RBM4B: variants seen among roughly 807,000 people sequenced by gnomAD.
The protein encoded by RBM4B is RNA binding motif protein 4B.
Under a neutral mutation model 28.5 loss-of-function variants are expected in RBM4B, and 13 were observed. That is an observed-to-expected ratio of 0.46 (90% CI 0.30 to 0.72). RBM4B has a LOEUF of 0.72. Ranked by LOEUF, RBM4B falls within the 30% of genes least tolerant of loss-of-function variation. The pLI is 0.09. For missense variants in RBM4B, 387 were observed against 477.6 expected (o/e 0.81, Z 1.77); for synonymous variants, 167 against 179.1 (o/e 0.93, Z 0.54).
chr11:66,669,208 C>T lies in RBM4B; in HGVS notation c.496G>A (p.Gly166Arg), dbSNP rs1368428935. 4 of 1,614,184 alleles carry T rather than the reference C, an allele frequency of 2.5e-6. No homozygotes were observed. The highest frequency in any genetic ancestry group is 3.4e-6 in the Non-Finnish European group (4 of 1,180,036). ...MGDQSGCYRCGKEGHWSKECP... is the reference protein window; with the variant it reads ...MGDQSGCYRCRKEGHWSKECP... ...TCTTTGGACCAGTGCCCTTCTTTCC[C>T]ACACCGATAGCAGCCACTCTGGTCT... Residue 166 changes from glycine to arginine, a missense_variant, in exon 3 of 4, where the codon GGG (glycine) becomes AGG (arginine). Physicochemically the swap from Gly to Arg is moderately radical, Grantham distance 125. Transcript: ENST00000310046.
Position 66,668,673 on chromosome 11 carries a change from C to T in RBM4B, c.1031G>A (p.Arg344Gln), listed in dbSNP as rs376252895. 8.5e-5 allele frequency: 137 copies of T among 1,613,866 alleles called. No homozygotes were observed. Among genetic ancestry groups the T allele is most frequent in the Non-Finnish European group, 1.1e-4 (126 of 1,179,888 alleles). Reference sequence around the variant, plus strand: ...GTCCACATACTGCTCCCGTTCATACCGGGCCATGTCATACAGAGAATTCCG... The same window carrying T: ...GTCCACATACTGCTCCCGTTCATACTGGGCCATGTCATACAGAGAATTCCG... Reference protein sequence around the residue: ...ATRNSLYDMARYEREQYVDRA... With the variant: ...ATRNSLYDMAQYEREQYVDRA... Residue 344 changes from arginine to glutamine, a missense_variant, in exon 3 of 4, where the codon CGG becomes CAG. By Grantham distance (43) the Arg-to-Gln change is conservative. This residue lies in a region of RBM4B where 226 missense variants were observed against 220.6 expected (regional missense o/e 1.02). Transcript: ENST00000310046.
In RBM4B at chr11:66,674,100, CTAAAG is replaced by C. The variant is rs1351872274; in HGVS notation, c.412+2563_412+2567del. ...ATCCACTGCATTATTCAGATACATC[CTAAAG>C]TAATTATACCTGCCTTATTAAAACA... On this transcript the variant is annotated intron_variant, in intron 2 of 3. Transcript: ENST00000310046. Among the ~76,000 whole-genome samples, 48 of 151,616 alleles carry C rather than the reference CTAAAG, an allele frequency of 3.2e-4. 1 individual carries two copies. Among genetic ancestry groups the C allele is most frequent in the Non-Finnish European group, 4.4e-5 (3 of 67,986 alleles).
chr11:66,671,334 T>C (rs966126216), intron 2 of RBM4B, among the ~76,000 whole-genome samples: 1 of 152,208 alleles, frequency 6.6e-6, no homozygotes, highest in African/African-American at 2.4e-5. Flanking sequence ...GAAACACAGA[T>C]TTCTGCCACA....
At chr11:66,672,406 T>TAA (rs539171629) in intron 2 of RBM4B, among the ~76,000 whole-genome samples, 691 of 58,328 alleles carry the variant, frequency 0.012, 18 homozygotes, top group South Asian at 0.018. Context: ...CAAGACTGTC[T>TAA]AAAAAAAAAA....
chr11:66,665,944 C>T, intron 3 of RBM4B: 1 of 1,533,982 alleles, frequency 6.5e-7, no homozygotes, highest in African/African-American at 1.4e-5. Context: ...TTTTGGAGTC[C>T]AGGAAAAGCA....
At chr11:66,670,466 C>A (rs1204353793) in intron 2 of RBM4B, among the ~76,000 whole-genome samples, 5 of 152,124 alleles carry the variant, frequency 3.3e-5, no homozygotes, top group African/African-American at 9.7e-5. Context: ...GGGCCACATC[C>A]ATTTTGGCTT....
In RBM4B at chr11:66,674,068, C is replaced by T. The variant is rs375749413; in HGVS notation, c.412+2600G>A. Among the ~76,000 whole-genome samples, 208 of 152,024 alleles carry T rather than the reference C, an allele frequency of 1.4e-3. 2 individuals carry two copies. In the Middle Eastern group the frequency reaches 0.034, roughly 25 times the overall value. On this transcript the variant is annotated intron_variant, in intron 2 of 3. Transcript: ENST00000310046. ...CTAAGGAAGTGATGTTTTTAAAAATCTTATGGATCCACTGCATTATTCAGA... is the reference window on the plus strand; with the variant it reads ...CTAAGGAAGTGATGTTTTTAAAAATTTTATGGATCCACTGCATTATTCAGA...
intron 2 of RBM4B, among the ~76,000 whole-genome samples, chr11:66,673,666 C>G (rs775572205): frequency 5.3e-5 from 8 of 152,160 alleles, no homozygotes; most frequent in Non-Finnish European, 1.2e-4. Context: ...ACCATGTTGA[C>G]CAGGCTAGTC....
chr11:66,677,034 G>T lies in RBM4B; in HGVS notation c.46C>A (p.Gln16Lys). 1 of 1,614,088 alleles carries T rather than the reference G, an allele frequency of 6.2e-7. No homozygotes were observed. Among genetic ancestry groups the T allele is most frequent in the Non-Finnish European group, 8.5e-7 (1 of 1,179,996 alleles). ...IGNLPREATEQEIRSLFEQYG... is the reference protein window; with the variant it reads ...IGNLPREATEKEIRSLFEQYG... ...TGCTCGAAGAGTGAGCGAATCTCCT[G>T]CTCTGTAGCCTCCCGGGGAAGGTTT... Residue 16 changes from glutamine (Q) to lysine (K), a missense_variant, in exon 2 of 4, where the codon CAG (glutamine) becomes AAG (lysine). Gln to Lys is a moderately conservative substitution (Grantham distance 53). Around this residue, in one of 2 missense-constraint regions of RBM4B, gnomAD observed 161 missense variants for 256.9 expected, o/e 0.63. Transcript: ENST00000310046.
chr11:66,670,630 T>G (rs1469246268), intron 2 of RBM4B, among the ~76,000 whole-genome samples: 1 of 152,124 alleles, frequency 6.6e-6, no homozygotes. Context: ...CATTATTTAG[T>G]CCCAGGTTGC....
In RBM4B at chr11:66,669,176, T is replaced by TA. The variant is rs1327858232; in HGVS notation, c.527_528insT (p.Val177SerfsTer12). 5.0e-6 allele frequency: 8 copies of TA among 1,614,064 alleles called. No individual in the cohort carries two copies. The highest frequency in any genetic ancestry group is 6.8e-6 in the Non-Finnish European group (8 of 1,180,028). ...CTGCCACACGACCCGTACGATCTACTGGGCACTCTTTGGACCAGTGCCCTT... is the reference window on the plus strand; with the variant it reads ...CTGCCACACGACCCGTACGATCTACTAGGGCACTCTTTGGACCAGTGCCCTT... On this transcript the variant is annotated frameshift_variant, in exon 3 of 4. Transcript: ENST00000310046. LOFTEE classifies it high-confidence loss of function.
rs1444466499 is a variant in RBM4B, at chr11:66,668,971, C to G, written c.733G>C (p.Glu245Gln). The change falls in exon 3 of 4, where the codon GAG (glutamate) becomes CAG (glutamine). Residue 245 changes from glutamate (E) to glutamine (Q), a missense_variant. By Grantham distance (29) the Glu-to-Gln change is conservative. Transcript: ENST00000310046. ...TGAGGCAGATGGGACATGGTCTGCT[C>G]TGCGTAGTTGTATGCAGAAGCCGCT... is the stretch of plus-strand genomic sequence containing the variant. ...AAAASAYNYA[E>Q]QTMSHLPQVQ... 6.2e-7 allele frequency: 1 copy of G among 1,614,096 alleles called. No individual in the cohort carries two copies. The highest frequency in any genetic ancestry group is 8.5e-7 in the Non-Finnish European group (1 of 1,180,056).
At chr11:66,671,341 C>T (rs997211302) in intron 2 of RBM4B, among the ~76,000 whole-genome samples, 2 of 152,178 alleles carry the variant, frequency 1.3e-5, no homozygotes, top group African/African-American at 4.8e-5. Context: ...AGATTTCTGC[C>T]ACAATTTATA....
At chr11:66,672,510 G>C (rs1045211123) in intron 2 of RBM4B, among the ~76,000 whole-genome samples, 4 of 150,738 alleles carry the variant, frequency 2.7e-5, no homozygotes, top group African/African-American at 7.3e-5. Flanking sequence ...TTTTTTGGGG[G>C]GGGGGGACAG....
intron 2 of RBM4B, among the ~76,000 whole-genome samples, chr11:66,675,213 A>G (rs1317740086): frequency 2.0e-5 from 3 of 152,392 alleles, no homozygotes; most frequent in African/African-American, 7.2e-5. Context: ...ACCTGTCATC[A>G]TAAAGAGCTT....
intron 3 of RBM4B, 63 bp downstream of exon 3, chr11:66,668,551 GA>G: frequency 7.3e-7 from 1 of 1,378,266 alleles, no homozygotes; most frequent in South Asian, 1.3e-5. Context: ...CCACTTTTAT[GA>G]AGCATGGGTC....
chr11:66,665,971 CAT>C (rs1341688226), intron 3 of RBM4B: 3 of 1,513,898 alleles, frequency 2.0e-6, no homozygotes, highest in Non-Finnish European at 2.7e-6. Context: ...GCTGAGATGT[CAT>C]ATATGGCGAA....
At chr11:66,667,341 T>C (rs184100043) in intron 3 of RBM4B, 1 of 152,376 alleles carries the variant, frequency 6.6e-6, no homozygotes, top group East Asian at 1.9e-4. Context: ...GCCTATGGCA[T>C]TGGCTTTCAC....
chr11:66,666,319 G>C, intron 3 of RBM4B: 2 of 1,047,780 alleles, frequency 1.9e-6, no homozygotes, highest in Non-Finnish European at 2.3e-6. Context: ...TCTTGGTCTT[G>C]ATCTGTGCCA....
Sources: allele counts gnomAD v4.1 joint callset (sites outside exome capture counted in the v4.1 genomes callset), GRCh38; gene constraint gnomAD v4.1.1; regional missense constraint gnomAD v4.1.1; transcripts MANE v1.5; gene names NCBI Gene and HGNC (gene_info 2026-07-23, HGNC 2026-07-21).